CADM2: variants seen among roughly 807,000 people sequenced by gnomAD.
The protein encoded by CADM2 is immunoglobulin superfamily member 4D.
Under a neutral mutation model 49.8 loss-of-function variants are expected in CADM2, and 12 were observed. That is an observed-to-expected ratio of 0.24 (90% CI 0.15 to 0.39). CADM2 has a LOEUF of 0.39. CADM2 is among the 10% of genes least tolerant of loss of function. The pLI, the probability that CADM2 is intolerant of heterozygous loss-of-function variation, is 1.00. For missense variants in CADM2, 378 were observed against 492.3 expected, an observed-to-expected ratio of 0.77 and a Z score of 2.20; for synonymous variants, 214 against 175.4, an observed-to-expected ratio of 1.22 and a Z score of -1.74.
intron 1 of CADM2, among the ~76,000 whole-genome samples, chr3:85,665,628 T>C (rs2065542463): frequency 6.6e-6 from 1 of 152,016 alleles, no homozygotes. Flanking sequence ...TTTATTCCTT[T>C]TACTAAAGTC....
chr3:85,281,329 T>C (rs893770412), intron 1 of CADM2, among the ~76,000 whole-genome samples: 4 of 151,920 alleles, frequency 2.6e-5, no homozygotes, highest in Non-Finnish European at 4.4e-5. Flanking sequence ...GTAAAAGATA[T>C]CCTAATGTAT....
At chr3:86,064,212 C>A (rs1739042176) in intron 8 of CADM2, among the ~76,000 whole-genome samples, 2 of 152,022 alleles carry the variant, frequency 1.3e-5, no homozygotes, top group African/African-American at 2.4e-5. Flanking sequence ...CCTCTTCCCC[C>A]ACCCCACGAC....
chr3:85,351,075 T>C (rs998397782), intron 1 of CADM2, among the ~76,000 whole-genome samples: 1 of 152,190 alleles, frequency 6.6e-6, no homozygotes, highest in Non-Finnish European at 1.5e-5. Context: ...GTTTATCACT[T>C]AGTGCCATCG....
intron 1 of CADM2, among the ~76,000 whole-genome samples, chr3:85,691,218 T>C (rs1462589169): frequency 2.0e-5 from 3 of 152,214 alleles, no homozygotes; most frequent in African/African-American, 7.2e-5. Flanking sequence ...GAACATGGTA[T>C]CTTCCAGATT....
At chr3:85,051,252 A>T (rs765327736) in intron 1 of CADM2, among the ~76,000 whole-genome samples, 5 of 152,230 alleles carry the variant, frequency 3.3e-5, no homozygotes, top group African/African-American at 4.8e-5. Flanking sequence ...AGATTTTATC[A>T]TGGCTGGGGC....
intron 2 of CADM2, among the ~76,000 whole-genome samples, chr3:85,786,011 T>C (rs1162928130): frequency 2.0e-5 from 3 of 152,080 alleles, no homozygotes; most frequent in Admixed American, 2.0e-4. Context: ...TTCCGGATAC[T>C]AGAGGAAAGG....
intron 1 of CADM2, among the ~76,000 whole-genome samples, chr3:84,986,182 G>A (rs553066781): frequency 1.9e-4 from 29 of 152,278 alleles, no homozygotes; most frequent in Non-Finnish European, 3.5e-4. Context: ...AGTGAACTGG[G>A]TTTTAACTTT....
At chr3:84,993,533 C>T (rs1348644790) in intron 1 of CADM2, among the ~76,000 whole-genome samples, 1 of 152,070 alleles carries the variant, frequency 6.6e-6, no homozygotes, top group African/African-American at 2.4e-5. Flanking sequence ...AAATCTTGAG[C>T]AACACTCTGG....
At chr3:85,149,121 T>G (rs1035215935) in intron 1 of CADM2, among the ~76,000 whole-genome samples, 1 of 151,962 alleles carries the variant, frequency 6.6e-6, no homozygotes. Context: ...AAAAAATCAA[T>G]AATTAGAAAA....
At chr3:85,477,474 T>C (rs2039025954) in intron 1 of CADM2, among the ~76,000 whole-genome samples, 1 of 151,916 alleles carries the variant, frequency 6.6e-6, no homozygotes. Flanking sequence ...ATACAGGACT[T>C]TTCACAGATG....
At chr3:85,349,888 A>G (rs2031161992) in intron 1 of CADM2, among the ~76,000 whole-genome samples, 2 of 152,206 alleles carry the variant, frequency 1.3e-5, no homozygotes, top group Admixed American at 1.3e-4. Flanking sequence ...ACAACCGTTC[A>G]GGATTGGTAG....
intron 1 of CADM2, among the ~76,000 whole-genome samples, chr3:85,390,130 A>G (rs949774005): frequency 6.6e-6 from 1 of 152,014 alleles, no homozygotes; most frequent in African/African-American, 2.4e-5. Context: ...GTTCATCCAG[A>G]TAATATTTAT....
intron 1 of CADM2, among the ~76,000 whole-genome samples, chr3:85,293,142 A>C (rs1433017078): frequency 1.3e-5 from 2 of 152,222 alleles, no homozygotes; most frequent in Non-Finnish European, 1.5e-5. Context: ...AACTACCATC[A>C]GAGAATACTA....
chr3:85,931,896 T>C (rs1720647917), intron 6 of CADM2, among the ~76,000 whole-genome samples: 1 of 151,216 alleles, frequency 6.6e-6, no homozygotes, highest in Non-Finnish European at 1.5e-5. Context: ...TTTTAAATTT[T>C]TATTTTAAAT....
chr3:85,476,354 A>AG (rs2038973913), intron 1 of CADM2, among the ~76,000 whole-genome samples: 1 of 151,986 alleles, frequency 6.6e-6, no homozygotes, highest in Non-Finnish European at 1.5e-5. Flanking sequence ...TCTAAATGTT[A>AG]GAGTTTAGCA....
At position 85,115,436 on chromosome 3, in the gene CADM2, G is replaced by A. The variant is rs114137993; in HGVS notation, c.61+155768G>A. Among the ~76,000 whole-genome samples the A allele has an allele frequency of 1.9e-3, 295 of 152,218 alleles. 2 individuals are homozygous for A. The highest frequency in any genetic ancestry group is 6.8e-3 in the African/African-American group (283 of 41,532). On this transcript the variant is annotated intron_variant, in intron 1 of 9. Transcript: ENST00000383699. Reference sequence around the variant, plus strand: ...TTTATAAAGCAAGTATGAGATGGGAGTATAGATGTGAGTATATTTTCTGCT... The same window carrying A: ...TTTATAAAGCAAGTATGAGATGGGAATATAGATGTGAGTATATTTTCTGCT...
At chr3:85,748,638 C>T (rs1039249398) in intron 2 of CADM2, among the ~76,000 whole-genome samples, 1 of 152,104 alleles carries the variant, frequency 6.6e-6, no homozygotes, top group Non-Finnish European at 1.5e-5. Context: ...TGCCTGGTTT[C>T]CTCAGTCTTT....
At chr3:85,444,607 T>C (rs2037361962) in intron 1 of CADM2, among the ~76,000 whole-genome samples, 1 of 151,186 alleles carries the variant, frequency 6.6e-6, no homozygotes, top group African/African-American at 2.5e-5. Flanking sequence ...TCATTTCGTT[T>C]TGCTGTTCCC....
At chr3:86,025,835 A>C (rs1216439945) in intron 8 of CADM2, among the ~76,000 whole-genome samples, 2 of 152,172 alleles carry the variant, frequency 1.3e-5, no homozygotes, top group Non-Finnish European at 2.9e-5. Flanking sequence ...AGTACAGAAA[A>C]AAATACTTAC....
Sources: allele counts gnomAD v4.1 joint callset (sites outside exome capture counted in the v4.1 genomes callset), GRCh38; gene constraint gnomAD v4.1.1; transcripts MANE v1.5; gene names NCBI Gene and HGNC (gene_info 2026-07-23, HGNC 2026-07-21).